The following FBXL13 variants were observed in gnomAD, a reference collection of about 807,000 sequenced individuals.
FBXL13 encodes F-box and leucine-rich repeat protein 13.
FBXL13 carries 67 observed loss-of-function variants against 83.6 expected under a neutral mutation model. The ratio of observed to expected loss-of-function variants is 0.80; its 90% CI spans 0.66 to 0.98. FBXL13 has a LOEUF of 0.98. Ranked by LOEUF, FBXL13 falls within the 50% of genes least tolerant of loss-of-function variation. FBXL13 has a pLI of 0.00. For missense variants in FBXL13, 822 were observed against 866.5 expected (o/e 0.95, Z 0.64); for synonymous variants, 272 against 299.5 (o/e 0.91, Z 0.95).
intron 17 of FBXL13, 91 bp from the exon 19 acceptor site, chr7:102,833,065 C>A (rs1801000186): frequency 1.5e-6 from 2 of 1,331,174 alleles, no homozygotes; most frequent in Admixed American, 2.3e-5. Context: ...ACATTTCAGT[C>A]CCTGAAATAC....
chr7:102,904,010 G>T (rs1387038032), intron 11 of FBXL13, among the ~76,000 whole-genome samples: 2 of 132,870 alleles, frequency 1.5e-5, no homozygotes, highest in Admixed American at 8.3e-5. Context: ...TGGCCTCATA[G>T]AATTAGTTTG....
chr7:102,862,838 G>A (rs748653891), intron 16 of FBXL13, among the ~76,000 whole-genome samples: 35 of 152,086 alleles, frequency 2.3e-4, no homozygotes, highest in Non-Finnish European at 4.4e-4. Context: ...CTGGATGTTC[G>A]TTTTCAGTTT....
intron 8 of FBXL13, among the ~76,000 whole-genome samples, chr7:102,946,344 T>C (rs1041814976): frequency 2.0e-5 from 3 of 152,244 alleles, no homozygotes; most frequent in Non-Finnish European, 2.9e-5. Context: ...GTCACACAGC[T>C]GGCAAGTGGC....
chr7:103,026,249 C>T (rs952879), intron 5 of FBXL13, among the ~76,000 whole-genome samples: 47,847 of 151,638 alleles, frequency 0.32, 7,779 homozygotes, highest in East Asian at 0.59. Context: ...AGAGATTCTC[C>T]TGACTCAGCC....
chr7:102,946,335 T>G (rs1007729529), intron 8 of FBXL13, among the ~76,000 whole-genome samples: 6 of 152,238 alleles, frequency 3.9e-5, no homozygotes, highest in Non-Finnish European at 8.8e-5. Flanking sequence ...TTGGACAAAG[T>G]CACACAGCTG....
intron 11 of FBXL13, among the ~76,000 whole-genome samples, chr7:102,895,391 T>C (rs1340281877): frequency 6.6e-6 from 1 of 152,188 alleles, no homozygotes; most frequent in African/African-American, 2.4e-5. Flanking sequence ...GAAACCCCTA[T>C]GGCAAGCTCC....
chr7:102,872,023 C>T (rs1808594614), intron 16 of FBXL13, among the ~76,000 whole-genome samples: 1 of 152,160 alleles, frequency 6.6e-6, no homozygotes, highest in African/African-American at 2.4e-5. Flanking sequence ...CTACACATCA[C>T]CCATTGGTTC....
chr7:102,827,750 C>T (rs191232779), intron 18 of FBXL13, among the ~76,000 whole-genome samples: 23 of 152,166 alleles, frequency 1.5e-4, no homozygotes, highest in Admixed American at 1.0e-3. Context: ...TTGTTCAATT[C>T]CCACCTATGA....
At chr7:102,931,594 T>C (rs543087522) in intron 9 of FBXL13, among the ~76,000 whole-genome samples, 26 of 152,144 alleles carry the variant, frequency 1.7e-4, no homozygotes, top group Non-Finnish European at 3.2e-4. Flanking sequence ...TGGGGCCCAA[T>C]TTTTTTCTGT....
intron 6 of FBXL13, among the ~76,000 whole-genome samples, chr7:102,992,279 C>T (rs150582903): frequency 5.1e-4 from 77 of 152,328 alleles, no homozygotes; most frequent in Middle Eastern, 3.4e-3. Context: ...GCCTCAACAA[C>T]GCAGACCCAA....
At chr7:103,053,055 C>T (rs1563276497) in intron 2 of FBXL13, among the ~76,000 whole-genome samples, 1 of 152,122 alleles carries the variant, frequency 6.6e-6, no homozygotes, top group African/African-American at 2.4e-5. Context: ...CTGCGCCCAG[C>T]CGACAATTCC....
At chr7:103,067,052 T>A (rs929347586) in intron 1 of FBXL13, among the ~76,000 whole-genome samples, 1 of 152,052 alleles carries the variant, frequency 6.6e-6, no homozygotes, top group African/African-American at 2.4e-5. Flanking sequence ...CCCAAGAATT[T>A]TTTTTTTTTT....
chr7:102,852,795 C>G (rs1409321897), intron 17 of FBXL13, among the ~76,000 whole-genome samples: 4 of 152,188 alleles, frequency 2.6e-5, no homozygotes, highest in Non-Finnish European at 5.9e-5. Context: ...CCTTAAAGAG[C>G]TAAAAGTAGA....
At chr7:102,819,301 T>C (rs530577074) in intron 19 of FBXL13, among the ~76,000 whole-genome samples, 14 of 152,228 alleles carry the variant, frequency 9.2e-5, no homozygotes, top group Non-Finnish European at 1.3e-4. Context: ...CTCCTTGAAA[T>C]AAAGGAGCCT....
At chr7:102,854,831 T>C in exon 17 of FBXL13, 2 of 1,590,110 alleles carry the variant, frequency 1.3e-6, no homozygotes, top group Non-Finnish European at 1.7e-6. Context: ...GTTCCTTCAA[T>C]TTTTTATGTC....
At chr7:102,961,929 A>G (rs1283562280) in intron 8 of FBXL13, among the ~76,000 whole-genome samples, 1 of 149,106 alleles carries the variant, frequency 6.7e-6, no homozygotes, top group African/African-American at 2.5e-5. Flanking sequence ...GGCATGGGCA[A>G]GGACTTCATT....
intron 11 of FBXL13, among the ~76,000 whole-genome samples, chr7:102,903,939 C>CTTTTCTTTT (rs1321420603): frequency 1.6e-3 from 69 of 43,424 alleles, no homozygotes; most frequent in East Asian, 0.013. Context: ...CTTTTCTTTT[C>CTTTTCTTTT]TTTTTTTTTT....
chr7:102,914,699 T>TGAGATTC (rs1241662558), intron 10 of FBXL13, among the ~76,000 whole-genome samples: 2 of 152,084 alleles, frequency 1.3e-5, no homozygotes, highest in Non-Finnish European at 2.9e-5. Flanking sequence ...GCTGTGTACG[T>TGAGATTC]GAGATTCGAC....
At chr7:102,819,038 T>C (rs1243709060) in intron 19 of FBXL13, among the ~76,000 whole-genome samples, 2 of 152,154 alleles carry the variant, frequency 1.3e-5, no homozygotes, top group South Asian at 4.1e-4. Flanking sequence ...CACTTATAAG[T>C]GAGAACATGC....
Sources: allele counts gnomAD v4.1 joint callset (sites outside exome capture counted in the v4.1 genomes callset), GRCh38; gene constraint gnomAD v4.1.1; transcripts MANE v1.5; gene names NCBI Gene and HGNC (gene_info 2026-07-23, HGNC 2026-07-21).